RFX4: variants seen among roughly 807,000 people sequenced by gnomAD.
The protein encoded by RFX4 is transcription factor RFX4.
Under a neutral mutation model 95.0 loss-of-function variants are expected in RFX4, and 10 were observed. That is an observed-to-expected ratio of 0.11 (90% CI 0.06 to 0.18). The LOEUF (loss-of-function observed/expected upper bound fraction) is 0.18, where lower values mean the gene tolerates loss of function less well. Among genes scored for constraint, RFX4 ranks in the 10% least tolerant of loss-of-function variants. The probability of loss-of-function intolerance (pLI) is 1.00; values close to 1 mark genes in which losing one functional copy is unlikely to be tolerated. For synonymous variants in RFX4, 321 were observed against 340.7 expected, an observed-to-expected ratio of 0.94 and a Z score of 0.64; for missense variants, 640 against 922.0, an observed-to-expected ratio of 0.69 and a Z score of 3.96.
chr12:106,609,534 G>A (rs2039912449), intron 2 of RFX4, among the ~76,000 whole-genome samples: 1 of 152,168 alleles, frequency 6.6e-6, no homozygotes, highest in African/African-American at 2.4e-5. Context: ...GGTTGGTAAA[G>A]TGCATCTCCT....
chr12:106,744,117 T>C (rs1175100393), intron 15 of RFX4, among the ~76,000 whole-genome samples: 1 of 152,200 alleles, frequency 6.6e-6, no homozygotes, highest in Non-Finnish European at 1.5e-5. Context: ...TAATTTCACA[T>C]GAAGTTCAAA....
chr12:106,726,828 G>C (rs1565996618), intron 13 of RFX4, among the ~76,000 whole-genome samples: 2 of 152,170 alleles, frequency 1.3e-5, no homozygotes, highest in Admixed American at 1.3e-4. Context: ...TTGGAGTGCA[G>C]TGGTGCAATG....
At chr12:106,609,788 C>CA (rs1438543905) in intron 2 of RFX4, among the ~76,000 whole-genome samples, 1 of 151,724 alleles carries the variant, frequency 6.6e-6, no homozygotes, top group Non-Finnish European at 1.5e-5. Flanking sequence ...CATTACTACC[C>CA]AAAAAAGATA....
chr12:106,608,952 C>A, intron 2 of RFX4, 69 bp downstream of exon 2: 1 of 1,432,148 alleles, frequency 7.0e-7, no homozygotes, highest in Non-Finnish European at 9.7e-7. Flanking sequence ...GAGGGTAGTG[C>A]CACTAGATTG....
chr12:106,751,168 T>C (rs571890007), intron 17 of RFX4, among the ~76,000 whole-genome samples: 124 of 150,480 alleles, frequency 8.2e-4, no homozygotes, highest in African/African-American at 3.0e-3. Flanking sequence ...TTCCCACCTA[T>C]GAGTGAGAAC....
At position 106,583,381 on chromosome 12, in the gene RFX4, G is replaced by T. The variant is rs1343496007; in HGVS notation, c.43+18G>T. ...TTCCACAGGTTAGTCCTACTGGCGG[G>T]GTTGGGGGGATACATTGGGAGGGAA... On this transcript the variant is annotated intron_variant, in intron 1 of 17. Coordinates refer to ENST00000392842, the MANE Select transcript of RFX4 (RefSeq NM_213594.3). 2 of 1,557,488 alleles carry T rather than the reference G, an allele frequency of 1.3e-6. No individual in the cohort carries two copies. Among genetic ancestry groups the T allele is most frequent in the East Asian group, 2.4e-5 (1 of 40,822 alleles).
At chr12:106,613,215 C>A (rs1260900224) in intron 2 of RFX4, among the ~76,000 whole-genome samples, 1 of 118,684 alleles carries the variant, frequency 8.4e-6, no homozygotes, top group Admixed American at 8.9e-5. Flanking sequence ...GTCTGGCAAA[C>A]AAAAATCAAT....
At chr12:106,655,799 G>A (rs2040946322) in intron 4 of RFX4, among the ~76,000 whole-genome samples, 3 of 152,208 alleles carry the variant, frequency 2.0e-5, no homozygotes, top group Admixed American at 2.0e-4. Context: ...GATGTCAGTG[G>A]ATGATGGAAG....
Position 106,761,200 on chromosome 12 carries a change from C to T in RFX4, c.1939C>T (p.Pro647Ser), listed in dbSNP as rs767994173. 6.2e-7 allele frequency: 1 copy of T among 1,610,958 alleles called. No homozygotes were observed. The highest frequency in any genetic ancestry group is 8.5e-7 in the Non-Finnish European group (1 of 1,177,556). ...APYHRSSAQY[P>S]FNSPTSRMEP... ...GAATTTCTTTCCCCTCAACAAGTAC[C>T]CTTTTAATAGCCCCACTTCCCGGAT... Residue 647 changes from proline (P) to serine (S), a missense_variant, in exon 18 of 18, where the codon CCT (proline) becomes TCT (serine). This residue lies in a region of RFX4 where 300 missense variants were observed against 346.8 expected (regional missense o/e 0.87). Coordinates refer to ENST00000392842, the MANE Select transcript of RFX4 (RefSeq NM_213594.3).
At chr12:106,714,671 T>C (rs1027734288) in intron 10 of RFX4, among the ~76,000 whole-genome samples, 9 of 152,160 alleles carry the variant, frequency 5.9e-5, no homozygotes, top group African/African-American at 2.2e-4. Flanking sequence ...CAAGTATTGT[T>C]CCAACTTGCA....
chr12:106,583,410 GA>G, intron 1 of RFX4, 47 bp downstream of exon 1: 1 of 1,506,224 alleles, frequency 6.6e-7, no homozygotes, highest in Non-Finnish European at 8.9e-7. Context: ...GAGGGAAGGA[GA>G]AGGGAGAGGG....
At chr12:106,632,794 C>A (rs940581357) in intron 2 of RFX4, among the ~76,000 whole-genome samples, 1 of 152,214 alleles carries the variant, frequency 6.6e-6, no homozygotes, top group African/African-American at 2.4e-5. Context: ...GCTGGGACTA[C>A]AAGTGCATGC....
At chr12:106,625,042 G>A (rs2040265335) in intron 2 of RFX4, among the ~76,000 whole-genome samples, 1 of 152,084 alleles carries the variant, frequency 6.6e-6, no homozygotes, top group South Asian at 2.1e-4. Flanking sequence ...GCTCGGAATG[G>A]GAGACTATTC....
intron 1 of RFX4, among the ~76,000 whole-genome samples, chr12:106,598,368 A>G (rs1454570453): frequency 6.6e-6 from 1 of 152,224 alleles, no homozygotes; most frequent in Non-Finnish European, 1.5e-5. Context: ...AAATCTGCAT[A>G]ATAATAGAAC....
chr12:106,639,987 C>CTTCCATAGAA (rs938651533), intron 3 of RFX4, among the ~76,000 whole-genome samples: 4 of 152,172 alleles, frequency 2.6e-5, no homozygotes, highest in African/African-American at 4.8e-5. Context: ...TATGAAGAAT[C>CTTCCATAGAA]TTGGCCATTG....
intron 13 of RFX4, among the ~76,000 whole-genome samples, chr12:106,725,714 T>C (rs1050254079): frequency 2.6e-5 from 4 of 151,994 alleles, no homozygotes; most frequent in Non-Finnish European, 5.9e-5. Flanking sequence ...GACAAAACGT[T>C]AAATGGAAAA....
chr12:106,688,858 T>C (rs900003581), intron 6 of RFX4, among the ~76,000 whole-genome samples: 2 of 152,210 alleles, frequency 1.3e-5, no homozygotes, highest in African/African-American at 4.8e-5. Flanking sequence ...CATATAACTA[T>C]ACATTGGATT....
chr12:106,665,816 AC>A (rs139645558), intron 4 of RFX4, among the ~76,000 whole-genome samples: 30,463 of 151,838 alleles, frequency 0.2, 3,370 homozygotes, highest in South Asian at 0.28. Context: ...GTAAAAAAAA[AC>A]ATGCACACAT....
chr12:106,647,995 C>G (rs1201196668), intron 3 of RFX4, among the ~76,000 whole-genome samples: 6 of 152,286 alleles, frequency 3.9e-5, no homozygotes, highest in Non-Finnish European at 7.4e-5. Context: ...GAGCCATAAG[C>G]TATGAGGAAC....
Sources: gnomAD v4.1 joint callset for allele counts (sites outside exome capture counted in the v4.1 genomes callset) on GRCh38, gnomAD v4.1.1 for gene constraint, gnomAD v4.1.1 regional missense constraint, MANE v1.5 for transcripts, NCBI Gene and HGNC (gene_info 2026-07-23, HGNC 2026-07-21) for gene names.